DNAJC15: variants seen among roughly 807,000 people sequenced by gnomAD.
DNAJC15 encodes DnaJ heat shock protein family (Hsp40) member C15, also known as dnaJ homolog subfamily C member 15.
A neutral mutation model predicts 22.4 loss-of-function variants in DNAJC15; 27 were observed. The ratio of observed to expected loss-of-function variants is 1.20; its 90% CI spans 0.89 to 1.66. The LOEUF is 1.66. DNAJC15 is among the 40% of genes most tolerant of loss of function. DNAJC15 has a pLI of 0.00. For synonymous variants in DNAJC15, 79 were observed against 63.2 expected (o/e 1.25, Z -1.19); for missense variants, 208 against 187.1 (o/e 1.11, Z -0.65).
chr13:43,055,255 C>T (rs910428934), intron 1 of DNAJC15, among the ~76,000 whole-genome samples: 1 of 151,846 alleles, frequency 6.6e-6, no homozygotes, highest in Non-Finnish European at 1.5e-5. Context: ...AAAAAAAACT[C>T]TGCTCTATAA....
At chr13:43,087,757 A>C (rs1053881671) in intron 5 of DNAJC15, among the ~76,000 whole-genome samples, 1 of 152,248 alleles carries the variant, frequency 6.6e-6, no homozygotes, top group African/African-American at 2.4e-5. Context: ...GTGACCAACT[A>C]TAATTTGTTA....
intron 5 of DNAJC15, among the ~76,000 whole-genome samples, chr13:43,094,176 A>G (rs146409934): frequency 1.2e-3 from 181 of 152,324 alleles, no homozygotes; most frequent in African/African-American, 3.9e-3. Context: ...CTATTGGTCT[A>G]TCTTTTACTT....
chr13:43,035,424 G>A (rs1374562755), intron 1 of DNAJC15, among the ~76,000 whole-genome samples: 1 of 152,172 alleles, frequency 6.6e-6, no homozygotes, highest in Non-Finnish European at 1.5e-5. Context: ...TCAAGAGAAT[G>A]ATTTTCACTT....
At chr13:43,044,868 C>T (rs1593312655) in intron 1 of DNAJC15, among the ~76,000 whole-genome samples, 1 of 152,058 alleles carries the variant, frequency 6.6e-6, no homozygotes, top group East Asian at 1.9e-4. Context: ...TTATCTCTTT[C>T]ATGGATTATT....
At chr13:43,062,112 A>T (rs180811897) in intron 1 of DNAJC15, among the ~76,000 whole-genome samples, 1 of 152,150 alleles carries the variant, frequency 6.6e-6, no homozygotes, top group African/African-American at 2.4e-5. Flanking sequence ...CAGAGGTGTG[A>T]CCATGGTTTA....
intron 1 of DNAJC15, among the ~76,000 whole-genome samples, chr13:43,040,225 C>G (rs576997385): frequency 2.0e-5 from 3 of 152,178 alleles, no homozygotes; most frequent in South Asian, 4.1e-4. Context: ...ATGTGCCAGC[C>G]ATCAAGACCC....
chr13:43,023,850 T>C (rs577148064), intron 1 of DNAJC15, 116 bp downstream of exon 1: 2 of 987,338 alleles, frequency 2.0e-6, no homozygotes, highest in South Asian at 3.2e-5. Context: ...TCACGGTCTG[T>C]GCCCTAGCGC....
chr13:43,111,853 T>C lies in DNAJC15; in HGVS notation c.*4605T>C, dbSNP rs1319843015. On this transcript the variant is annotated 3_prime_UTR_variant, in exon 6 of 6. Transcript: ENST00000379221. ...CAACCCAAAGAGCAAATCCTATTAATGGCTGGATCAGTATCATCTACTTGT... is the reference window on the plus strand; with the variant it reads ...CAACCCAAAGAGCAAATCCTATTAACGGCTGGATCAGTATCATCTACTTGT... 1.3e-5 allele frequency: 2 copies of C among 152,238 alleles called. No individual in the cohort carries two copies. Among genetic ancestry groups the C allele is most frequent in the Non-Finnish European group, 2.9e-5 (2 of 68,054 alleles). 9.4% of individuals were successfully genotyped at this position (152,238 alleles called of 1,614,324 possible). A position where few individuals can be genotyped will look rare whatever the true frequency, so the allele number is the denominator to read the frequency against.
chr13:43,105,088 T>G (rs2040789840), intron 5 of DNAJC15, among the ~76,000 whole-genome samples: 2 of 151,444 alleles, frequency 1.3e-5, no homozygotes, highest in Non-Finnish European at 2.9e-5. Flanking sequence ...CAGGAGAGCA[T>G]TTAGTACAGG....
intron 3 of DNAJC15, among the ~76,000 whole-genome samples, chr13:43,069,430 G>C (rs1236304418): frequency 1.3e-5 from 2 of 152,096 alleles, no homozygotes; most frequent in African/African-American, 4.8e-5. Context: ...TTTGAAACTA[G>C]TCCCCTTATA....
intron 1 of DNAJC15, among the ~76,000 whole-genome samples, chr13:43,025,067 G>GA (rs1229087524): frequency 3.3e-5 from 5 of 149,574 alleles, no homozygotes; most frequent in African/African-American, 7.4e-5. Context: ...CTCCAACAAA[G>GA]AAAAAAAAAT....
At chr13:43,087,423 C>G (rs762489950) in intron 5 of DNAJC15, among the ~76,000 whole-genome samples, 5 of 152,128 alleles carry the variant, frequency 3.3e-5, no homozygotes, top group African/African-American at 4.8e-5. Context: ...TAAAGATTAT[C>G]CTTTGAGAAG....
rs2281779 is a variant in DNAJC15, at chr13:43,023,844, G to C, written c.108+110G>C. The stretch of plus-strand genomic sequence containing the variant: ...TTTGTACTCCCCCGCATTCGCTCAC[G>C]GTCTGTGCCCTAGCGCTCACTTGTT... On this transcript the variant is annotated intron_variant, in intron 1 of 5. Transcript: ENST00000379221. 1.5e-5 allele frequency: 16 copies of C among 1,036,480 alleles called. No individual in the cohort carries two copies. The South Asian group carries it at 2.3e-4, about 15-fold the overall frequency. The allele number at this position is 1,036,480 out of a possible 1,614,324, so 64.2% of individuals were successfully genotyped here.
chr13:43,094,440 G>A (rs1451557373), intron 5 of DNAJC15, among the ~76,000 whole-genome samples: 1 of 152,168 alleles, frequency 6.6e-6, no homozygotes, highest in African/African-American at 2.4e-5. Flanking sequence ...AAGCCCTCCA[G>A]TTGATTCTAA....
chr13:43,099,933 TATA>T (rs1320869135), intron 5 of DNAJC15, among the ~76,000 whole-genome samples: 3 of 152,152 alleles, frequency 2.0e-5, no homozygotes, highest in Non-Finnish European at 2.9e-5. Flanking sequence ...GTGAAGATAA[TATA>T]ATGTAGGCTT....
chr13:43,079,887 A>T (rs2040653756), intron 4 of DNAJC15, among the ~76,000 whole-genome samples: 1 of 152,214 alleles, frequency 6.6e-6, no homozygotes, highest in Admixed American at 6.5e-5. Flanking sequence ...TGGAAAATTC[A>T]GTGATTAAGA....
At chr13:43,066,603 C>T (rs2040585228) in intron 2 of DNAJC15, among the ~76,000 whole-genome samples, 1 of 152,124 alleles carries the variant, frequency 6.6e-6, no homozygotes, top group South Asian at 2.1e-4. Flanking sequence ...TCTTTGAAGG[C>T]CATTATTCAG....
chr13:43,079,917 GTA>G (rs1237896386), intron 4 of DNAJC15, among the ~76,000 whole-genome samples: 1 of 152,110 alleles, frequency 6.6e-6, no homozygotes, highest in East Asian at 1.9e-4. Flanking sequence ...CTGGTATCAA[GTA>G]TATATGCGTA....
At chr13:43,036,952 G>A (rs1196681189) in intron 1 of DNAJC15, among the ~76,000 whole-genome samples, 1 of 152,228 alleles carries the variant, frequency 6.6e-6, no homozygotes, top group African/African-American at 2.4e-5. Flanking sequence ...TTCTAAGCCT[G>A]TAGGGGCAGG....
Sources: allele counts gnomAD v4.1 joint callset (sites outside exome capture counted in the v4.1 genomes callset), GRCh38; gene constraint gnomAD v4.1.1; transcripts MANE v1.5; gene names NCBI Gene and HGNC (gene_info 2026-07-23, HGNC 2026-07-21).